The following KDM3A variants were observed in gnomAD, a reference collection of about 807,000 sequenced individuals.
KDM3A encodes the protein lysine demethylase 3A, also known as lysine-specific demethylase 3A.
Under a neutral mutation model 158.0 loss-of-function variants are expected in KDM3A, and 60 were observed. The ratio of observed to expected loss-of-function variants is 0.38; its 90% CI spans 0.31 to 0.47. The LOEUF is 0.47. Ranked by LOEUF, KDM3A falls within the 20% of genes least tolerant of loss-of-function variation. The pLI, the probability that KDM3A is intolerant of heterozygous loss-of-function variation, is 0.99. For missense variants in KDM3A, 1,319 were observed against 1,574.3 expected (o/e 0.84, Z 2.74); for synonymous variants, 608 against 549.3 (o/e 1.11, Z -1.49).
intron 8 of KDM3A, 38 bp from the exon 9 acceptor site, chr2:86,464,015 G>A: frequency 7.0e-7 from 1 of 1,430,620 alleles, no homozygotes; most frequent in East Asian, 2.5e-5. Flanking sequence ...CCTAACTAGG[G>A]ACTTCCTTTT....
chr2:86,447,022 G>C (rs965490097), intron 2 of KDM3A, among the ~76,000 whole-genome samples: 1 of 152,152 alleles, frequency 6.6e-6, no homozygotes, highest in Non-Finnish European at 1.5e-5. Context: ...ACGTTGCCTT[G>C]GCTGGTTTAG....
At chr2:86,441,939 C>A in intron 1 of KDM3A, 79 bp from the exon 2 acceptor site, 1 of 1,199,454 alleles carries the variant, frequency 8.3e-7, no homozygotes, top group Non-Finnish European at 1.2e-6. Context: ...CGGCGCCCTC[C>A]GCCCGCCCTC....
chr2:86,467,674 T>G (rs1198953561), intron 10 of KDM3A, among the ~76,000 whole-genome samples: 5 of 152,194 alleles, frequency 3.3e-5, no homozygotes, highest in African/African-American at 4.8e-5. Flanking sequence ...CTATTAGAAT[T>G]TAAAGATGCC....
At chr2:86,485,623 C>A in intron 20 of KDM3A, 106 bp from the exon 21 acceptor site, 1 of 1,336,610 alleles carries the variant, frequency 7.5e-7, no homozygotes, top group Non-Finnish European at 1.0e-6. Context: ...TCTGCATGAT[C>A]ACAGATGGAT....
rs1308042150 is a variant in KDM3A at position 86,451,131 on chromosome 2, G to A, written c.371G>A (p.Gly124Asp). The change falls in exon 4 of 26, where the codon GGT (glycine) becomes GAT (aspartate). Residue 124 changes from glycine to aspartate, a missense_variant. Transcript: ENST00000312912. Reference sequence around the variant, plus strand: ...TACAAACCTCTGTTGGACAAAGCTGGTTTGGGATCCATAACTTCTGTTCGC... The same window carrying A: ...TACAAACCTCTGTTGGACAAAGCTGATTTGGGATCCATAACTTCTGTTCGC... ...ITYKPLLDKA[G>D]LGSITSVRFL... The A allele has an allele frequency of 6.2e-7, 1 of 1,611,010 alleles. No individual in the cohort carries two copies. The highest frequency in any genetic ancestry group is 1.1e-5 in the South Asian group (1 of 90,490).
chr2:86,441,977 A>G (rs1682737991), intron 1 of KDM3A, 41 bp from the exon 2 acceptor site: 2 of 1,342,704 alleles, frequency 1.5e-6, no homozygotes, highest in Non-Finnish European at 2.0e-6. Flanking sequence ...GCCCCCTCCC[A>G]CCGGCCGCCC....
Position 86,482,528 on chromosome 2 carries a change from C to T in KDM3A, c.2756C>T (p.Thr919Met), listed in dbSNP as rs78049080. 50 of 1,614,098 alleles carry T rather than the reference C, an allele frequency of 3.1e-5. No individual in the cohort carries two copies. In the East Asian group the frequency reaches 5.6e-4, roughly 18 times the overall value. ...DIFASLVQNK[T>M]TSDLSKRPQG... ...TTTGCCTCTTTGGTGCAAAATAAGA[C>T]GACTTCTGATTTATCTAAGAGGCCT... The change falls in exon 18 of 26, where the codon ACG (threonine) becomes ATG (methionine). Residue 919 changes from threonine to methionine, a missense_variant. Transcript: ENST00000312912.
chr2:86,478,053 C>T (rs1268089471), intron 13 of KDM3A, 24 bp downstream of exon 13: 4 of 1,613,798 alleles, frequency 2.5e-6, no homozygotes, highest in Admixed American at 3.3e-5. Context: ...TGATTCTCCT[C>T]CAGCCCCTCT....
At chr2:86,488,279 TGA>T (rs1674284922) in intron 21 of KDM3A, 1 of 152,204 alleles carries the variant, frequency 6.6e-6, no homozygotes, top group Non-Finnish European at 1.5e-5. Context: ...AGTGAAAACT[TGA>T]GAGTCTGGTA....
At chr2:86,482,784 C>A in intron 18 of KDM3A, 90 bp downstream of exon 18, 1 of 1,193,470 alleles carries the variant, frequency 8.4e-7, no homozygotes, top group Non-Finnish European at 1.2e-6. Context: ...CCAGGCTTTC[C>A]CCCTCCTTCA....
chr2:86,478,970 T>G, intron 15 of KDM3A: 1 of 335,878 alleles, frequency 3.0e-6, no homozygotes, highest in Non-Finnish European at 5.4e-6. Context: ...TTTACATTTT[T>G]GTTTCTTGAA....
intron 16 of KDM3A, among the ~76,000 whole-genome samples, chr2:86,480,898 G>C (rs1156577634): frequency 6.6e-6 from 1 of 152,196 alleles, no homozygotes; most frequent in Non-Finnish European, 1.5e-5. Context: ...CTTTACATGT[G>C]ATGTAATTCT....
In KDM3A at chr2:86,474,983, G is replaced by C; in HGVS notation, c.1932G>C (p.Glu644Asp). ...AAAAGGAAGCTATGTCAACTATTGA[G>C]CCACACAGTAAGAGCATCTCTTAGG... The part of the protein sequence containing the change: ...ISEKEAMSTI[E>D]PHRQVAWKRA... The change falls in exon 12 of 26, where the codon GAG becomes GAC. Residue 644 changes from glutamate to aspartate, a missense_variant. Physicochemically the swap from Glu to Asp is conservative, Grantham distance 45. Coordinates refer to ENST00000312912, the MANE Select transcript of KDM3A (RefSeq NM_018433.6). 6.2e-7 allele frequency: 1 copy of C among 1,613,706 alleles called. No homozygotes were observed.
upstream of KDM3A, chr2:86,440,651 T>A (rs1682649316): frequency 6.6e-6 from 1 of 152,256 alleles, no homozygotes; most frequent in African/African-American, 2.4e-5. Context: ...AACGTCATTA[T>A]CCAGTAACTC....
chr2:86,455,953 C>CAAAAAAAAAAAA (rs574299612), intron 5 of KDM3A, among the ~76,000 whole-genome samples: 11 of 56,032 alleles, frequency 2.0e-4, no homozygotes, highest in South Asian at 5.8e-4. Flanking sequence ...GACCCTGTCT[C>CAAAAAAAAAAAA]AAAAAAAAAA....
chr2:86,456,145 A>G (rs1420835052), intron 5 of KDM3A, among the ~76,000 whole-genome samples: 3 of 151,984 alleles, frequency 2.0e-5, no homozygotes, highest in East Asian at 1.9e-4. Context: ...TTTTTAGATT[A>G]TCAGACATAG....
intron 11 of KDM3A, among the ~76,000 whole-genome samples, chr2:86,474,446 T>A (rs1184153661): frequency 1.3e-5 from 2 of 150,946 alleles, no homozygotes; most frequent in Admixed American, 1.3e-4. Context: ...GCGTATCACC[T>A]GAGGTCAGGA....
intron 4 of KDM3A, among the ~76,000 whole-genome samples, chr2:86,453,885 G>T (rs745459698): frequency 6.6e-6 from 1 of 152,146 alleles, no homozygotes; most frequent in Admixed American, 6.5e-5. Flanking sequence ...AAAGCATAAA[G>T]CCCTGATATT....
chr2:86,471,255 GTGTATATATA>G (rs892379762), intron 11 of KDM3A, among the ~76,000 whole-genome samples: 1 of 151,132 alleles, frequency 6.6e-6, no homozygotes, highest in Non-Finnish European at 1.5e-5. Flanking sequence ...GAATATATGT[GTGTATATATA>G]TGTGTATATA....
Sources: allele counts gnomAD v4.1 joint callset (sites outside exome capture counted in the v4.1 genomes callset), GRCh38; gene constraint gnomAD v4.1.1; transcripts MANE v1.5; gene names NCBI Gene and HGNC (gene_info 2026-07-23, HGNC 2026-07-21).